Variants in PARD3B observed in about 807,000 individuals in gnomAD.
The protein encoded by PARD3B is par-3 family cell polarity regulator beta.
A neutral mutation model predicts 130.2 loss-of-function variants in PARD3B; 103 were observed. The ratio of observed to expected loss-of-function variants is 0.79; its 90% CI spans 0.67 to 0.93. The LOEUF is 0.93. Ranked by LOEUF, PARD3B falls within the 40% of genes least tolerant of loss-of-function variation. PARD3B has a pLI of 0.00. For synonymous variants in PARD3B, 583 were observed against 553.2 expected (o/e 1.05, Z -0.76); for missense variants, 1,609 against 1,499.2 (o/e 1.07, Z -1.21).
intron 21 of PARD3B, among the ~76,000 whole-genome samples, chr2:205,523,414 T>C (rs1432094117): frequency 6.6e-6 from 1 of 151,674 alleles, no homozygotes; most frequent in Non-Finnish European, 1.5e-5. Context: ...CAACTAATTT[T>C]TGTCTTTTTA....
chr2:205,084,770 G>A (rs1357768023), intron 4 of PARD3B, among the ~76,000 whole-genome samples: 2 of 151,886 alleles, frequency 1.3e-5, no homozygotes, highest in Non-Finnish European at 2.9e-5. Flanking sequence ...CAAGATGTAA[G>A]ATGTGTATTT....
intron 3 of PARD3B, among the ~76,000 whole-genome samples, chr2:204,980,685 A>G (rs1052893338): frequency 6.6e-6 from 1 of 152,188 alleles, no homozygotes; most frequent in Non-Finnish European, 1.5e-5. Context: ...TAATCATGAG[A>G]AGAACATCAA....
At position 205,121,670 on chromosome 2, in the gene PARD3B, T is replaced by G. The variant is rs751420352; in HGVS notation, c.886T>G (p.Tyr296Asp). ...GCTTCCTCCACAAAACCGTGAACAG[T>G]ATGAAAAGTCAGTCATTGGCTCTCT... Reference protein sequence around the residue: ...HVLPPQNREQYEKSVIGSLNI... With the variant: ...HVLPPQNREQDEKSVIGSLNI... The change falls in exon 8 of 23, where the codon TAT becomes GAT. Residue 296 changes from tyrosine (Y) to aspartate (D), a missense_variant. Transcript: ENST00000406610. This position sits in a 1 kb window ranked among gnomAD's most constrained non-coding sequence, Gnocchi z 5.0. The G allele has an allele frequency of 5.0e-6, 8 of 1,614,042 alleles. No individual in the cohort carries two copies. The Admixed American group carries it at 1.3e-4, about 27-fold the overall frequency.
At chr2:205,320,793 G>A (rs2042726518) in intron 18 of PARD3B, among the ~76,000 whole-genome samples, 1 of 152,174 alleles carries the variant, frequency 6.6e-6, no homozygotes, top group South Asian at 2.1e-4. Context: ...TTAAAAATGT[G>A]TCTCAACTGA....
chr2:204,893,624 T>C (rs2046530453), intron 2 of PARD3B, among the ~76,000 whole-genome samples: 1 of 152,220 alleles, frequency 6.6e-6, no homozygotes, highest in African/African-American at 2.4e-5. Context: ...ATAGTTTATT[T>C]AACTCAGTAT....
intron 2 of PARD3B, among the ~76,000 whole-genome samples, chr2:204,878,171 T>C (rs1250812211): frequency 6.6e-6 from 1 of 152,154 alleles, no homozygotes; most frequent in Admixed American, 6.5e-5. Flanking sequence ...TGTTATAGCA[T>C]AGAGTTAGTG....
At chr2:204,738,048 C>A (rs1415664760) in intron 2 of PARD3B, among the ~76,000 whole-genome samples, 1 of 152,074 alleles carries the variant, frequency 6.6e-6, no homozygotes, top group Non-Finnish European at 1.5e-5. Context: ...ATAGCTTTGG[C>A]TATTCGGGCT....
At position 205,122,846 on chromosome 2, in the gene PARD3B, T is replaced by C. The variant is rs1248531414; in HGVS notation, c.1165+897T>C. On this transcript the variant is annotated intron_variant, in intron 8 of 22. Coordinates refer to ENST00000406610, the MANE Select transcript of PARD3B (RefSeq NM_001302769.2). The surrounding 1 kb of genome is among the most constrained non-coding windows in gnomAD (Gnocchi z 4.3). ...TCAAAATTTCATTCACCTATAAGAA[T>C]TCTATTCTGGGAATAAAATACATTG... Among the ~76,000 whole-genome samples, 1 of 152,236 alleles carries C rather than the reference T, an allele frequency of 6.6e-6. No individual in the cohort carries two copies. Among genetic ancestry groups the C allele is most frequent in the Non-Finnish European group, 1.5e-5 (1 of 68,030 alleles).
intron 22 of PARD3B, among the ~76,000 whole-genome samples, chr2:205,561,451 G>C (rs2053133466): frequency 6.6e-6 from 1 of 152,100 alleles, no homozygotes; most frequent in African/African-American, 2.4e-5. Flanking sequence ...TGACTGTCTG[G>C]GTCTGTAAAA....
chr2:204,987,155 A>G (rs1031724822), intron 3 of PARD3B, among the ~76,000 whole-genome samples: 1 of 152,172 alleles, frequency 6.6e-6, no homozygotes, highest in Non-Finnish European at 1.5e-5. Context: ...TTTGGAAAAA[A>G]AATGTGACTA....
intron 22 of PARD3B, among the ~76,000 whole-genome samples, chr2:205,608,060 T>C (rs1485584594): frequency 2.0e-5 from 3 of 152,184 alleles, no homozygotes; most frequent in Admixed American, 2.0e-4. Flanking sequence ...GATGCATAAA[T>C]ATCTACTGCA....
intron 3 of PARD3B, among the ~76,000 whole-genome samples, chr2:205,040,469 C>A (rs1361499479): frequency 6.6e-6 from 1 of 152,066 alleles, no homozygotes; most frequent in Non-Finnish European, 1.5e-5. Context: ...AGGATACACC[C>A]ATATTTTTTC....
intron 4 of PARD3B, among the ~76,000 whole-genome samples, chr2:205,099,015 C>A (rs1315872407): frequency 1.3e-5 from 2 of 152,054 alleles, no homozygotes; most frequent in Non-Finnish European, 2.9e-5. Flanking sequence ...CTGTCTGTTC[C>A]CTGCTCTGAT....
intron 18 of PARD3B, among the ~76,000 whole-genome samples, chr2:205,353,940 A>G (rs908447151): frequency 2.0e-5 from 3 of 151,418 alleles, no homozygotes; most frequent in South Asian, 2.1e-4. Context: ...CCTCTTTAGT[A>G]TATGAGGAAA....
intron 18 of PARD3B, among the ~76,000 whole-genome samples, chr2:205,330,741 G>A (rs1218031371): frequency 6.6e-6 from 1 of 152,180 alleles, no homozygotes; most frequent in Non-Finnish European, 1.5e-5. Context: ...TTAGAGGTGG[G>A]ACAGTTCTTA....
intron 5 of PARD3B, among the ~76,000 whole-genome samples, chr2:205,107,100 C>T (rs1178932487): frequency 6.6e-6 from 1 of 152,190 alleles, no homozygotes; most frequent in Non-Finnish European, 1.5e-5. Flanking sequence ...TAGTCTATCT[C>T]AAAATGTCTT....
At position 205,319,287 on chromosome 2, in the gene PARD3B, T is replaced by C. The variant is rs112802551; in HGVS notation, c.2630+17586T>C. On this transcript the variant is annotated intron_variant, in intron 18 of 22. Coordinates refer to ENST00000406610, the MANE Select transcript of PARD3B (RefSeq NM_001302769.2). Reference sequence around the variant, plus strand: ...TGGAATCCGCTCCCGTAGCATTGCCTAGAATCCTCAGTCCTGCATGAGCCC... The same window carrying C: ...TGGAATCCGCTCCCGTAGCATTGCCCAGAATCCTCAGTCCTGCATGAGCCC... 8.3e-4 allele frequency among the ~76,000 whole-genome samples: 127 copies of C among 152,316 alleles called. 1 individual carries two copies. Among genetic ancestry groups the C allele is most frequent in the African/African-American group, 2.9e-3 (120 of 41,578 alleles).
chr2:205,191,094 C>G (rs1372747362), intron 14 of PARD3B, among the ~76,000 whole-genome samples: 1 of 133,770 alleles, frequency 7.5e-6, no homozygotes, highest in Admixed American at 7.3e-5. Context: ...AAAAAAAAGG[C>G]TACATAACCC....
chr2:204,951,888 A>C (rs1689804387), intron 2 of PARD3B, among the ~76,000 whole-genome samples: 1 of 152,198 alleles, frequency 6.6e-6, no homozygotes, highest in South Asian at 2.1e-4. Flanking sequence ...TTTTATTTTT[A>C]ACCTGTCACT....
Sources: allele counts gnomAD v4.1 joint callset (sites outside exome capture counted in the v4.1 genomes callset), GRCh38; gene constraint gnomAD v4.1.1; non-coding constraint Gnocchi (gnomAD v3.1); transcripts MANE v1.5; gene names NCBI Gene and HGNC (gene_info 2026-07-23, HGNC 2026-07-21).